Variants in IGDCC3 observed in about 807,000 individuals in gnomAD.
IGDCC3 encodes putative neuronal cell adhesion molecule.
Under a neutral mutation model 72.0 loss-of-function variants are expected in IGDCC3, and 47 were observed. The ratio of observed to expected loss-of-function variants is 0.65; its 90% confidence interval spans 0.52 to 0.83. The LOEUF is 0.83. Among genes scored for constraint, IGDCC3 ranks in the 40% least tolerant of loss-of-function variants. The probability of loss-of-function intolerance (pLI) is 0.00; values close to 1 mark genes in which losing one functional copy is unlikely to be tolerated. For missense variants in IGDCC3, 1,038 were observed against 1,091.3 expected (o/e 0.95, Z 0.69); for synonymous variants, 477 against 472.8 (o/e 1.01, Z -0.11).
intron 7 of IGDCC3, 55 bp downstream of exon 7, chr15:65,331,886 C>A: frequency 2.6e-6 from 4 of 1,564,160 alleles, no homozygotes; most frequent in Admixed American, 1.7e-5. Context: ...TCACTCCAGG[C>A]CCCGCTTTCC....
intron 7 of IGDCC3, 36 bp from the exon 8 acceptor site, chr15:65,331,695 C>T: frequency 6.5e-7 from 1 of 1,543,716 alleles, no homozygotes; most frequent in South Asian, 1.2e-5. Context: ...GTTCCCTCCT[C>T]CCTGGAGGTT....
At chr15:65,336,101 G>T in intron 2 of IGDCC3, 145 bp from the exon 3 acceptor site, 3 of 776,472 alleles carry the variant, frequency 3.9e-6, no homozygotes, top group Non-Finnish European at 6.3e-6. Flanking sequence ...AATAGCTTGG[G>T]GGACCCATCA....
rs759783010 is a variant in IGDCC3 at position 65,329,683 on chromosome 15, C to T, written c.1997+43G>A. 1 of 1,613,004 alleles carries T rather than the reference C, an allele frequency of 6.2e-7. No homozygotes were observed. ...ACACTCACCTTCTCTAGGCCTAGTC[C>T]CCCACACACCAGCCCAGCCCCTCTC... On this transcript the variant is annotated intron_variant, in intron 12 of 13. Coordinates refer to ENST00000327987, the MANE Select transcript of IGDCC3 (RefSeq NM_004884.4). This position sits in a 1 kb window ranked among gnomAD's most constrained non-coding sequence, Gnocchi z 4.1.
At chr15:65,355,655 G>GGCCCCCCCCCCCCCCCC in intron 2 of IGDCC3, 1 of 257,662 alleles carries the variant, frequency 3.9e-6, no homozygotes, top group South Asian at 2.7e-5. Flanking sequence ...CGACGCGGGC[G>GGCCCCCCCCCCCCCCCC]TCCCGCCCCC....
chr15:65,329,740 G>C lies in IGDCC3; in HGVS notation c.1983C>G (p.Phe661Leu), dbSNP rs774803213. 10 of 1,614,020 alleles carry C rather than the reference G, an allele frequency of 6.2e-6. No homozygotes were observed. The highest frequency in any genetic ancestry group is 1.1e-5 in the South Asian group (1 of 91,060). The change falls in exon 12 of 14, where the codon TTC (phenylalanine) becomes TTG (leucine). Residue 661 changes from phenylalanine (F) to leucine (L), a missense_variant. By Grantham distance (22) the Phe-to-Leu change is conservative. Transcript: ENST00000327987. The surrounding 1 kb of genome is among the most constrained non-coding windows in gnomAD (Gnocchi z 4.1). ...CCAGGACCCACCTGCCCCTTTGGCC[G>C]AACAGGAGGAAGAGGACACAGAAGA... ...CIIFCVLFLL[F>L]GQRGRVLLCK... is the part of the protein sequence containing the mutation.
chr15:65,346,849 A>T lies in IGDCC3; in HGVS notation c.410-10893T>A, dbSNP rs1373686442. On this transcript the variant is annotated intron_variant, in intron 2 of 13. Transcript: ENST00000327987. ...CTTTTCCCTCCTCTGTAAAATAGGG[A>T]AATGCGAGTTGGACAACTCAGTGAC... is the stretch of plus-strand genomic sequence containing the variant. Among the ~76,000 whole-genome samples the T allele has an allele frequency of 2.6e-5, 4 of 152,158 alleles. No individual in the cohort carries two copies. In the East Asian group the frequency reaches 7.7e-4, roughly 29 times the overall value.
rs757684778 is a variant in IGDCC3 at position 65,329,476 on chromosome 15, G to A, written c.2119C>T (p.Arg707Ter). 5.6e-6 allele frequency: 9 copies of A among 1,610,204 alleles called. No individual in the cohort carries two copies. In the South Asian group the frequency reaches 6.6e-5, roughly 12 times the overall value. The change falls in exon 13 of 14, where the codon CGA becomes TGA. Residue 707 changes from arginine to a stop codon, truncating the protein, a stop_gained. Coordinates refer to ENST00000327987, the MANE Select transcript of IGDCC3 (RefSeq NM_004884.4). LOFTEE classifies it high-confidence loss of function. This position sits in a 1 kb window ranked among gnomAD's most constrained non-coding sequence, Gnocchi z 4.1. ...ARRGQRGQLGRDEKRVDMKEL... is the reference protein window; with the variant it reads ...ARRGQRGQLG ...TTCATATCCACACGTTTCTCGTCTC[G>A]GCCCAGCTGGCCCCGCTGTCCCCGT...
At chr15:65,370,735 C>G (rs2091321265) in intron 2 of IGDCC3, among the ~76,000 whole-genome samples, 1 of 150,116 alleles carries the variant, frequency 6.7e-6, no homozygotes, top group Admixed American at 6.7e-5. Context: ...GTAATCTTCA[C>G]AATATTTCTC....
intron 1 of IGDCC3, among the ~76,000 whole-genome samples, chr15:65,376,378 A>G (rs2091358915): frequency 6.6e-6 from 1 of 152,260 alleles, no homozygotes; most frequent in Non-Finnish European, 1.5e-5. Context: ...CAACTTCTCC[A>G]GCAAACAACT....
At chr15:65,375,522 T>C in intron 1 of IGDCC3, 120 bp from the exon 2 acceptor site, 1 of 733,168 alleles carries the variant, frequency 1.4e-6, no homozygotes, top group Non-Finnish European at 2.2e-6. Context: ...TCCCCATGTT[T>C]CTGTAATGTT....
intron 1 of IGDCC3, among the ~76,000 whole-genome samples, chr15:65,376,774 G>C (rs2091361780): frequency 6.6e-6 from 1 of 152,222 alleles, no homozygotes. Context: ...CCTTGATGCG[G>C]ACGCGAGCTT....
At chr15:65,367,173 G>A (rs571670031) in intron 2 of IGDCC3, among the ~76,000 whole-genome samples, 117 of 152,018 alleles carry the variant, frequency 7.7e-4, no homozygotes, top group African/African-American at 2.7e-3. Flanking sequence ...GTGAAACCCC[G>A]TCTCTACTAA....
rs1175553961 is a variant in IGDCC3, at chr15:65,328,806, G to GA, written c.*102dup. The GA allele has an allele frequency of 7.4e-7, 1 of 1,357,726 alleles. No homozygotes were observed. The highest frequency in any genetic ancestry group is 9.7e-7 in the Non-Finnish European group (1 of 1,032,110). The allele number at this position is 1,357,726 out of a possible 1,614,324, so 84.1% of individuals were successfully genotyped here. On this transcript the variant is annotated 3_prime_UTR_variant, in exon 14 of 14. Transcript: ENST00000327987. ...AGGCAGTCAGGATAGAAATGCTGGG[G>GA]AGCCCCCAGGACCATCCAAATCCCA...
In IGDCC3 at chr15:65,338,651, C is replaced by A. The variant is rs374413233; in HGVS notation, c.410-2695G>T. On this transcript the variant is annotated intron_variant, in intron 2 of 13. Transcript: ENST00000327987. ...CTCCTCCTTCCCTCCCTTCCTTATA[C>A]CCTCTCTCAACTCTTTGGTCAGTCC... is the stretch of plus-strand genomic sequence containing the variant. 3.7e-3 allele frequency among the ~76,000 whole-genome samples: 562 copies of A among 152,150 alleles called. 3 individuals are homozygous for A. The highest frequency in any genetic ancestry group is 0.013 in the African/African-American group (539 of 41,498).
At chr15:65,332,269 C>A (rs901322368) in intron 6 of IGDCC3, among the ~76,000 whole-genome samples, 163 bp from the exon 7 acceptor site, 1 of 152,190 alleles carries the variant, frequency 6.6e-6, no homozygotes, top group African/African-American at 2.4e-5. Flanking sequence ...CCAGCCTCTA[C>A]TCCTGCCCAG....
chr15:65,342,698 C>T (rs569777645), intron 2 of IGDCC3, among the ~76,000 whole-genome samples: 60 of 152,280 alleles, frequency 3.9e-4, no homozygotes, highest in African/African-American at 1.3e-3. Flanking sequence ...CTGCACTCCC[C>T]CCTCTTGGCC....
At chr15:65,334,093 C>T (rs2091003737) in intron 5 of IGDCC3, among the ~76,000 whole-genome samples, 1 of 151,952 alleles carries the variant, frequency 6.6e-6, no homozygotes, top group East Asian at 1.9e-4. Context: ...TGCCTGCTGC[C>T]CCCTCCCTCC....
chr15:65,333,223 C>T, intron 6 of IGDCC3, 34 bp downstream of exon 6: 1 of 1,561,632 alleles, frequency 6.4e-7, no homozygotes, highest in Non-Finnish European at 8.7e-7. Context: ...TGCGGAGATC[C>T]CTGCCCTCCT....
In IGDCC3 at chr15:65,377,656, A is replaced by G. The variant is rs1426000930; in HGVS notation, c.103+30T>C. On this transcript the variant is annotated intron_variant, in intron 1 of 13. Coordinates refer to ENST00000327987, the MANE Select transcript of IGDCC3 (RefSeq NM_004884.4). The surrounding 1 kb of genome is among the most constrained non-coding windows in gnomAD (Gnocchi z 4.9). Reference sequence around the variant, plus strand: ...TCGCCCTTCCCCTGGCTCCGTCCGCAACCGCCCGGTCCGGGGCGCTTTCAC... The same window carrying G: ...TCGCCCTTCCCCTGGCTCCGTCCGCGACCGCCCGGTCCGGGGCGCTTTCAC... The G allele has an allele frequency of 1.8e-5, 26 of 1,429,538 alleles. No homozygotes were observed. The highest frequency in any genetic ancestry group is 2.4e-5 in the Non-Finnish European group (26 of 1,096,964). 88.6% of individuals were successfully genotyped at this position (1,429,538 alleles called of 1,614,324 possible).
Sources: allele counts gnomAD v4.1 joint callset (sites outside exome capture counted in the v4.1 genomes callset), GRCh38; gene constraint gnomAD v4.1.1; non-coding constraint Gnocchi (gnomAD v3.1); transcripts MANE v1.5; gene names NCBI Gene and HGNC (gene_info 2026-07-23, HGNC 2026-07-21).